The following XKR4 variants were observed in gnomAD, a reference collection of about 807,000 sequenced individuals.
The protein encoded by XKR4 is XK related 4, also known as XK-related protein 4.
A neutral mutation model predicts 53.9 loss-of-function variants in XKR4; 12 were observed. The ratio of observed to expected loss-of-function variants is 0.22; its 90% CI spans 0.14 to 0.36. The LOEUF (loss-of-function observed/expected upper bound fraction) is 0.36. Ranked by LOEUF, XKR4 falls within the 10% of genes least tolerant of loss-of-function variation. The pLI is 1.00. For synonymous variants in XKR4, 354 were observed against 362.4 expected (o/e 0.98, Z 0.26); for missense variants, 799 against 859.5 (o/e 0.93, Z 0.88).
chr8:55,526,563 T>C lies in XKR4; in HGVS notation c.*2336T>C, dbSNP rs576999542. 6.6e-6 allele frequency: 1 copy of C among 152,310 alleles called. No homozygotes were observed. Among genetic ancestry groups the C allele is most frequent in the Non-Finnish European group, 1.5e-5 (1 of 68,026 alleles). The allele number at this position is 152,310 out of a possible 1,614,324, so 9.4% of individuals were successfully genotyped here. ...AGGAAAAAACGATTTTGGCAAATTC[T>C]TCACTTTTGTGCAGAACCTTGAGTT... On this transcript the variant is annotated 3_prime_UTR_variant, in exon 3 of 3. Transcript: ENST00000327381.
intron 2 of XKR4, among the ~76,000 whole-genome samples, chr8:55,477,284 C>T (rs758632553): frequency 6.6e-6 from 1 of 152,114 alleles, no homozygotes; most frequent in Non-Finnish European, 1.5e-5. Context: ...CTGCTGATAC[C>T]CAGGCAAACA....
intron 1 of XKR4, among the ~76,000 whole-genome samples, chr8:55,166,003 A>T (rs1485215287): frequency 1.3e-5 from 2 of 152,098 alleles, no homozygotes; most frequent in East Asian, 1.9e-4. Flanking sequence ...GTCAAGTGTG[A>T]TGTTGTCAGA....
In XKR4 at chr8:55,227,131, G is replaced by A. The variant is rs80061875; in HGVS notation, c.806+123837G>A. On this transcript the variant is annotated intron_variant, in intron 1 of 2. Transcript: ENST00000327381. ...ACCCTGAGCACAGAGTCCTCGTGGCGTTTAGCACATGCCATTGTGGCTGTT... is the reference window on the plus strand; with the variant it reads ...ACCCTGAGCACAGAGTCCTCGTGGCATTTAGCACATGCCATTGTGGCTGTT... Among the ~76,000 whole-genome samples, 712 of 152,288 alleles carry A rather than the reference G, an allele frequency of 4.7e-3. 6 individuals are homozygous for A. The highest frequency in any genetic ancestry group is 0.016 in the African/African-American group (660 of 41,560).
chr8:55,353,208 C>T (rs1227814769), intron 1 of XKR4, among the ~76,000 whole-genome samples: 1 of 152,126 alleles, frequency 6.6e-6, no homozygotes, highest in Non-Finnish European at 1.5e-5. Context: ...TACTGAAGTC[C>T]TAACCTCATA....
intron 2 of XKR4, among the ~76,000 whole-genome samples, chr8:55,387,662 A>G (rs558408996): frequency 1.6e-4 from 24 of 152,226 alleles, no homozygotes; most frequent in African/African-American, 5.8e-4. Flanking sequence ...GGCTAGGGAG[A>G]CCAGGGCCCA....
chr8:55,326,120 T>C (rs1803288179), intron 1 of XKR4, among the ~76,000 whole-genome samples: 1 of 152,128 alleles, frequency 6.6e-6, no homozygotes, highest in Non-Finnish European at 1.5e-5. Flanking sequence ...AATGACCTGA[T>C]AATGAGGGGT....
chr8:55,341,776 A>T (rs559112715), intron 1 of XKR4, among the ~76,000 whole-genome samples: 1 of 152,044 alleles, frequency 6.6e-6, no homozygotes, highest in South Asian at 2.1e-4. Context: ...CTGAACATTC[A>T]CACCTCCCTG....
chr8:55,452,174 G>C (rs948223256), intron 2 of XKR4: 89 of 725,522 alleles, frequency 1.2e-4, no homozygotes, highest in Non-Finnish European at 2.0e-4. Flanking sequence ...AGAAGAGCTC[G>C]GCACTGTCAG....
chr8:55,332,809 C>G lies in XKR4; in HGVS notation c.807-24869C>G, dbSNP rs529903269. Among the ~76,000 whole-genome samples, 4 of 151,482 alleles carry G rather than the reference C, an allele frequency of 2.6e-5. No individual in the cohort carries two copies. The East Asian group carries it at 7.8e-4, about 29-fold the overall frequency. On this transcript the variant is annotated intron_variant, in intron 1 of 2. Transcript: ENST00000327381. ...GCCATTATTTCCTCAAGTAATCCCT[C>G]TATTCCTTTCTCTCTCTTTCATTTT...
intron 2 of XKR4, among the ~76,000 whole-genome samples, chr8:55,501,861 G>A (rs1463030691): frequency 2.0e-5 from 3 of 152,052 alleles, no homozygotes; most frequent in South Asian, 2.1e-4. Flanking sequence ...CAGTATCCAC[G>A]GGGGACTGGT....
chr8:55,269,019 G>GAGTA, intron 1 of XKR4, among the ~76,000 whole-genome samples: 1 of 152,264 alleles, frequency 6.6e-6, no homozygotes, highest in South Asian at 2.1e-4. Context: ...GCCACTTATG[G>GAGTA]AGTACCTCAG....
At chr8:55,468,603 C>G (rs995100498) in intron 2 of XKR4, among the ~76,000 whole-genome samples, 1 of 152,066 alleles carries the variant, frequency 6.6e-6, no homozygotes, top group Non-Finnish European at 1.5e-5. Flanking sequence ...GAAACAAAAT[C>G]ACTTTATATC....
chr8:55,105,994 G>C (rs1031938), intron 1 of XKR4, among the ~76,000 whole-genome samples: 122,829 of 152,112 alleles, frequency 0.81, 49,726 homozygotes, highest in East Asian at 0.93. Flanking sequence ...AAGCATCCCT[G>C]TGCCTCTTCT....
chr8:55,343,717 C>T (rs775270642), intron 1 of XKR4, among the ~76,000 whole-genome samples: 222 of 152,302 alleles, frequency 1.5e-3, no homozygotes, highest in Non-Finnish European at 2.0e-3. Context: ...ATTTCAGACT[C>T]AATCTAGCCA....
intron 2 of XKR4, among the ~76,000 whole-genome samples, chr8:55,489,522 G>A (rs1377882206): frequency 6.6e-6 from 1 of 151,870 alleles, no homozygotes; most frequent in African/African-American, 2.4e-5. Context: ...AAAAGATGAA[G>A]TCCTGGCTCC....
intron 1 of XKR4, among the ~76,000 whole-genome samples, chr8:55,207,652 G>A (rs923198237): frequency 9.9e-5 from 4 of 40,558 alleles, no homozygotes; most frequent in Non-Finnish European, 1.6e-4. Flanking sequence ...ACACACACGC[G>A]CACACACACA....
At chr8:55,248,618 T>A (rs1818321506) in intron 1 of XKR4, among the ~76,000 whole-genome samples, 1 of 152,262 alleles carries the variant, frequency 6.6e-6, no homozygotes, top group African/African-American at 2.4e-5. Flanking sequence ...GCTTCATTTA[T>A]CTTCAGAGGT....
At position 55,482,109 on chromosome 8, in the gene XKR4, C is replaced by T. The variant is rs532559335; in HGVS notation, c.1007-41172C>T. ...GACACATGCACACGTATGTTTATTGCGGCACTATTCACAATAGCAAAGACT... is the reference window on the plus strand; with the variant it reads ...GACACATGCACACGTATGTTTATTGTGGCACTATTCACAATAGCAAAGACT... On this transcript the variant is annotated intron_variant, in intron 2 of 2. Coordinates refer to ENST00000327381, the MANE Select transcript of XKR4 (RefSeq NM_052898.2). Among the ~76,000 whole-genome samples the T allele has an allele frequency of 5.6e-4, 85 of 152,032 alleles. 1 individual carries two copies. Among genetic ancestry groups the T allele is most frequent in the Admixed American group, 4.1e-3 (62 of 15,266 alleles).
chr8:55,409,208 C>T (rs551788451), intron 2 of XKR4, among the ~76,000 whole-genome samples: 32 of 152,266 alleles, frequency 2.1e-4, no homozygotes, highest in East Asian at 3.9e-4. Flanking sequence ...GTTGGAGAGG[C>T]GTTACAGGCC....
Sources: gnomAD v4.1 joint callset for allele counts (sites outside exome capture counted in the v4.1 genomes callset) on GRCh38, gnomAD v4.1.1 for gene constraint, MANE v1.5 for transcripts, NCBI Gene and HGNC (gene_info 2026-07-23, HGNC 2026-07-21) for gene names.